RDH12: variants seen among roughly 807,000 people sequenced by gnomAD.
RDH12 encodes retinol dehydrogenase 12.
In RDH12, 21 loss-of-function variants were observed where a neutral mutation model predicts 34.0. The observed-to-expected ratio is 0.62, with a 90% CI of 0.44 to 0.89. The LOEUF is 0.89. Among genes scored for constraint, RDH12 ranks in the 40% least tolerant of loss-of-function variants. The pLI, the probability that RDH12 is intolerant of heterozygous loss-of-function variation, is 0.00. For synonymous variants in RDH12, 198 were observed against 169.9 expected (o/e 1.17, Z -1.29); for missense variants, 394 against 398.6 (o/e 0.99, Z 0.10).
At chr14:67,730,608 A>G (rs1389602096) in intron 8 of RDH12, among the ~76,000 whole-genome samples, 1 of 152,126 alleles carries the variant, frequency 6.6e-6, no homozygotes, top group Non-Finnish European at 1.5e-5. Context: ...TCTGATCCCA[A>G]GCATTTTTTT....
At position 67,723,979 on chromosome 14, in the gene RDH12, C is replaced by T. The variant is rs370684610; in HGVS notation, c.69-494C>T. On this transcript the variant is annotated intron_variant, in intron 3 of 8. Coordinates refer to ENST00000551171, the MANE Select transcript of RDH12 (RefSeq NM_152443.3). ...CTGGAGAGGCAGCCTAAGATCAGTA[C>T]CTGTGTATGCCATCCCCCAGAGTGC... 4.9e-4 allele frequency among the ~76,000 whole-genome samples: 75 copies of T among 152,324 alleles called. No individual in the cohort carries two copies. The South Asian group carries it at 0.015, about 31-fold the overall frequency.
chr14:67,721,267 G>C (rs549130514), intron 2 of RDH12, among the ~76,000 whole-genome samples: 183 of 152,190 alleles, frequency 1.2e-3, no homozygotes, highest in Middle Eastern at 3.4e-3. Flanking sequence ...AGCGAGGAAG[G>C]GCAATGAATC....
At chr14:67,721,310 A>G (rs1218083451) in intron 2 of RDH12, among the ~76,000 whole-genome samples, 1 of 152,142 alleles carries the variant, frequency 6.6e-6, no homozygotes, top group East Asian at 1.9e-4. Flanking sequence ...ACACACATCC[A>G]GAGGCACGAT....
intron 1 of RDH12, among the ~76,000 whole-genome samples, chr14:67,716,690 C>A (rs758235023): frequency 1.2e-4 from 19 of 152,084 alleles, no homozygotes; most frequent in Non-Finnish European, 2.5e-4. Context: ...TCGAGACCAG[C>A]CTGGTTAACA....
rs149522949 is a variant in RDH12 at position 67,725,175 on chromosome 14, G to T, written c.264G>T (p.Lys88Asn). The T allele has an allele frequency of 1.9e-6, 3 of 1,614,058 alleles. No individual in the cohort carries two copies. The highest frequency in any genetic ancestry group is 1.1e-5 in the South Asian group (1 of 91,088). Residue 88 changes from lysine (K) to asparagine (N), a missense_variant, in exon 5 of 9, where the codon AAG becomes AAT. Lys to Asn is a moderately conservative substitution (Grantham distance 94). Coordinates refer to ENST00000551171, the MANE Select transcript of RDH12 (RefSeq NM_152443.3). The stretch of plus-strand genomic sequence containing the variant: ...CCAGTGAAATCCGAGTGGATACAAA[G>T]AACTCCCAGGTGCTGGTGCGGAAAT... ...SAASEIRVDT[K>N]NSQVLVRKLD... is the part of the protein sequence containing the mutation.
intron 3 of RDH12, 61 bp from the exon 4 acceptor site, chr14:67,724,412 C>A (rs1255591239): frequency 2.0e-3 from 1,587 of 783,556 alleles, no homozygotes; most frequent in East Asian, 3.0e-3. Context: ...TTTTTTTTAA[C>A]GTATCTTAGT....
chr14:67,720,450 C>A (rs2140134437), intron 1 of RDH12, among the ~76,000 whole-genome samples: 1 of 152,286 alleles, frequency 6.6e-6, no homozygotes, highest in South Asian at 2.1e-4. Context: ...AGTGGTTCTT[C>A]TTAATACTTC....
chr14:67,723,103 G>A (rs192193906), intron 3 of RDH12, among the ~76,000 whole-genome samples: 1 of 152,214 alleles, frequency 6.6e-6, no homozygotes, highest in African/African-American at 2.4e-5. Flanking sequence ...TTGTCATGCT[G>A]TTAAGTACCA....
chr14:67,730,429 G>A lies in RDH12; in HGVS notation c.848+1049G>A, dbSNP rs373728957. On this transcript the variant is annotated intron_variant, in intron 8 of 8. Transcript: ENST00000551171. ...TTGAGCATCACAAATCTGAAAATTC[G>A]GAGTCCGGAATATTTCAGTAAGCAT... Among the ~76,000 whole-genome samples, 4 of 152,062 alleles carry A rather than the reference G, an allele frequency of 2.6e-5. No homozygotes were observed. The East Asian group carries it at 5.8e-4, about 22-fold the overall frequency.
intron 1 of RDH12, among the ~76,000 whole-genome samples, chr14:67,703,926 C>T (rs55919049): frequency 0.44 from 66,728 of 152,040 alleles, 17,600 homozygotes; most frequent in Non-Finnish European, 0.61. Flanking sequence ...GTTCTTCCCA[C>T]CTCAGCATCC....
chr14:67,702,860 G>A (rs1389573380), intron 1 of RDH12, among the ~76,000 whole-genome samples: 1 of 152,112 alleles, frequency 6.6e-6, no homozygotes, highest in Non-Finnish European at 1.5e-5. Flanking sequence ...GTTGCCCAGG[G>A]TAGAGAGCAG....
intron 1 of RDH12, among the ~76,000 whole-genome samples, chr14:67,708,199 G>T (rs1458006635): frequency 6.6e-6 from 1 of 152,066 alleles, no homozygotes; most frequent in Non-Finnish European, 1.5e-5. Flanking sequence ...TAGCTTAAAA[G>T]AAAAGTTTTC....
chr14:67,724,397 T>C, intron 3 of RDH12, 76 bp from the exon 4 acceptor site: 1 of 925,316 alleles, frequency 1.1e-6, no homozygotes, highest in Non-Finnish European at 1.7e-6. Context: ...ATAGAGTTTT[T>C]TTTTTTTTTT....
intron 1 of RDH12, among the ~76,000 whole-genome samples, chr14:67,702,961 G>A (rs1174308462): frequency 2.6e-5 from 4 of 151,862 alleles, no homozygotes; most frequent in Admixed American, 6.6e-5. Context: ...CTACAGGTGC[G>A]TGCCGCCATG....
chr14:67,713,744 G>A (rs751073292), intron 1 of RDH12, among the ~76,000 whole-genome samples: 1 of 152,168 alleles, frequency 6.6e-6, no homozygotes, highest in Non-Finnish European at 1.5e-5. Context: ...CATGTGTCCA[G>A]GATGGTCAGA....
intron 5 of RDH12, 113 bp downstream of exon 5, chr14:67,725,367 G>A: frequency 9.0e-7 from 1 of 1,113,584 alleles, no homozygotes; most frequent in Non-Finnish European, 1.3e-6. Flanking sequence ...CCACTAGACA[G>A]GTTCTGCCAC....
chr14:67,705,213 G>C (rs2037938661), intron 1 of RDH12, among the ~76,000 whole-genome samples: 1 of 152,198 alleles, frequency 6.6e-6, no homozygotes, highest in Non-Finnish European at 1.5e-5. Flanking sequence ...CTTCATACTG[G>C]AGTTGTCCTT....
chr14:67,727,769 T>C (rs1392075310), intron 7 of RDH12: 1 of 171,050 alleles, frequency 5.8e-6, no homozygotes, highest in Non-Finnish European at 1.3e-5. Flanking sequence ...TCCTAGTTTA[T>C]AGAGCAGAGC....
At chr14:67,714,780 GGC>G (rs893830898) in intron 1 of RDH12, 4 of 152,186 alleles carry the variant, frequency 2.6e-5, no homozygotes, top group Admixed American at 1.3e-4. Flanking sequence ...TTAAATGTTA[GGC>G]AATTTTTAAA....
Sources: allele counts gnomAD v4.1 joint callset (sites outside exome capture counted in the v4.1 genomes callset), GRCh38; gene constraint gnomAD v4.1.1; transcripts MANE v1.5; gene names NCBI Gene and HGNC (gene_info 2026-07-23, HGNC 2026-07-21).